The following CD101 variants were observed in gnomAD, a reference collection of about 807,000 sequenced individuals.
The protein encoded by CD101 is CD101 molecule, also known as immunoglobulin superfamily member 2.
In CD101, 76 loss-of-function variants were observed where a neutral mutation model predicts 98.2. That is an observed-to-expected ratio of 0.77 (90% CI 0.64 to 0.94). CD101 has a LOEUF of 0.94. Among genes scored for constraint, CD101 ranks in the 40% least tolerant of loss-of-function variants. The pLI is 0.00. For synonymous variants in CD101, 471 were observed against 472.7 expected (o/e 1.00, Z 0.05); for missense variants, 1,145 against 1,218.8 (o/e 0.94, Z 0.90).
rs1208975199 is a variant in CD101 at position 117,017,283 on chromosome 1, C to T, written c.1422C>T (p.Ser474=). The T allele has an allele frequency of 1.2e-6, 2 of 1,614,084 alleles. No homozygotes were observed. The highest frequency in any genetic ancestry group is 2.7e-5 in the African/African-American group (2 of 74,920). ...ATGGCATTGTGCAGCTGGGTGCCTC[C>T]TATGGGGTACCCAGTTACCATGGCA... ...GQDGIVQLGA[S]YGVPSYHGNT... Residue 474 remains serine, a synonymous_variant, in exon 5 of 10, where the codon TCC becomes TCT. Coordinates refer to ENST00000682167, the MANE Select transcript of CD101 (RefSeq NM_001256106.3).
At chr1:117,016,017 G>A (rs572090655) in intron 4 of CD101, among the ~76,000 whole-genome samples, 7 of 152,148 alleles carry the variant, frequency 4.6e-5, no homozygotes, top group South Asian at 4.1e-4. Flanking sequence ...GAATAAATGC[G>A]TTTGTTGAAT....
chr1:117,035,549 CTTTTT>C (rs11337228), intron 9 of CD101, among the ~76,000 whole-genome samples: 1 of 136,664 alleles, frequency 7.3e-6, no homozygotes. Context: ...GAAATGAAGA[CTTTTT>C]TTTTTTTTTT....
In CD101 at chr1:117,017,080, T is replaced by C. The variant is rs769285310; in HGVS notation, c.1229-10T>C. 5 of 1,610,072 alleles carry C rather than the reference T, an allele frequency of 3.1e-6. No homozygotes were observed. The East Asian group carries it at 1.1e-4, about 36-fold the overall frequency. ...AACAGTTTTGTTCTTCTATAATCTG[T>C]AACTCACAGCAAGAAGTGTGGTCAT... On this transcript the variant is annotated splice_polypyrimidine_tract_variant and intron_variant, in intron 4 of 9. Transcript: ENST00000682167.
rs1319121769 is a variant in CD101 at position 117,011,564 on chromosome 1, C to T, written c.439C>T (p.Leu147Phe). 2 of 1,612,940 alleles carry T rather than the reference C, an allele frequency of 1.2e-6. No individual in the cohort carries two copies. The highest frequency in any genetic ancestry group is 2.2e-5 in the South Asian group (2 of 90,946). ...KTNLIVIPDT[L>F]SATMSSQTLG... ...TTTGTTTCCAGTTATTCCAGATACCCTCTCTGCCACCATGAGTTCTCAGAC... is the reference window on the plus strand; with the variant it reads ...TTTGTTTCCAGTTATTCCAGATACCTTCTCTGCCACCATGAGTTCTCAGAC... Residue 147 changes from leucine (L) to phenylalanine (F), a missense_variant, in exon 3 of 10, where the codon CTC becomes TTC. Coordinates refer to ENST00000682167, the MANE Select transcript of CD101 (RefSeq NM_001256106.3).
chr1:117,033,899 T>A lies in CD101; in HGVS notation c.2864T>A (p.Leu955Ter), dbSNP rs761917248. 1 of 1,614,192 alleles carries A rather than the reference T, an allele frequency of 6.2e-7. No homozygotes were observed. The highest frequency in any genetic ancestry group is 8.5e-7 in the Non-Finnish European group (1 of 1,180,018). ...TCCAGGATCTGCTCCTCGGCCCCTT[T>A]ACTCTATTTCCTGTTCATCTGTCCC... ...LPSRICSSAPLLYFLFICPFV... is the reference protein window; with the variant it reads ...LPSRICSSAP Residue 955 changes from leucine (L) to a stop codon, truncating the protein, a stop_gained, in exon 9 of 10, where the codon TTA becomes TAA. Coordinates refer to ENST00000682167, the MANE Select transcript of CD101 (RefSeq NM_001256106.3). LOFTEE classifies it high-confidence loss of function. This position sits in a 1 kb window ranked among gnomAD's most constrained non-coding sequence, Gnocchi z 4.8.
rs199968696 is a variant in CD101 at position 117,033,905 on chromosome 1, A to G, written c.2870A>G (p.Tyr957Cys). Residue 957 changes from tyrosine to cysteine, a missense_variant, in exon 9 of 10, where the codon TAT becomes TGT. Transcript: ENST00000682167. The surrounding 1 kb of genome is among the most constrained non-coding windows in gnomAD (Gnocchi z 4.8). The stretch of plus-strand genomic sequence containing the variant: ...ATCTGCTCCTCGGCCCCTTTACTCT[A>G]TTTCCTGTTCATCTGTCCCTTCGTC... Reference protein sequence around the residue: ...SRICSSAPLLYFLFICPFVLL... With the variant: ...SRICSSAPLLCFLFICPFVLL... The G allele has an allele frequency of 6.2e-6, 10 of 1,613,610 alleles. No individual in the cohort carries two copies. The highest frequency in any genetic ancestry group is 7.6e-6 in the Non-Finnish European group (9 of 1,179,944).
intron 9 of CD101, among the ~76,000 whole-genome samples, chr1:117,034,610 T>G (rs1330541957): frequency 1.3e-5 from 2 of 152,198 alleles, no homozygotes; most frequent in African/African-American, 4.8e-5. Context: ...GTAACTTCCT[T>G]CGAGGCAGAA....
At chr1:117,035,236 C>T (rs1477377655) in intron 9 of CD101, among the ~76,000 whole-genome samples, 4 of 152,184 alleles carry the variant, frequency 2.6e-5, no homozygotes, top group Non-Finnish European at 5.9e-5. Flanking sequence ...TGAGAAAACA[C>T]ATCTATTTAT....
chr1:117,008,293 C>T (rs554122385), intron 1 of CD101, among the ~76,000 whole-genome samples: 59 of 152,030 alleles, frequency 3.9e-4, no homozygotes, highest in Non-Finnish European at 6.8e-4. Context: ...GGTGAAACCC[C>T]GTCTCTACTA....
At chr1:117,032,743 GT>G (rs1654541405) in intron 8 of CD101, among the ~76,000 whole-genome samples, 1 of 152,244 alleles carries the variant, frequency 6.6e-6, no homozygotes, top group South Asian at 2.1e-4. Context: ...CTTTAAGCAT[GT>G]GTCTTTCTGC....
intron 8 of CD101, among the ~76,000 whole-genome samples, chr1:117,027,865 C>T (rs977879294): frequency 6.6e-6 from 1 of 152,128 alleles, no homozygotes; most frequent in Non-Finnish European, 1.5e-5. Flanking sequence ...GGGCGGGTCA[C>T]CTGACGTTGG....
At chr1:117,009,242 G>T (rs895161190) in intron 1 of CD101, among the ~76,000 whole-genome samples, 4 of 152,182 alleles carry the variant, frequency 2.6e-5, no homozygotes, top group African/African-American at 9.7e-5. Flanking sequence ...AGCTATAGTG[G>T]CTCTTTAAGA....
rs1653400429 is a variant in CD101 at position 117,018,699 on chromosome 1, G to A, written c.2017+139G>A. The A allele has an allele frequency of 1.3e-6, 1 of 795,902 alleles. No individual in the cohort carries two copies. Among genetic ancestry groups the A allele is most frequent in the Non-Finnish European group, 1.9e-6 (1 of 518,194 alleles). 49.3% of individuals were successfully genotyped at this position (795,902 alleles called of 1,614,324 possible). ...TCTAAGTAAGCACCACATGATGAAT[G>A]ATACCCAGGTTAACATTGAGTTAGT... On this transcript the variant is annotated intron_variant, in intron 6 of 9. Coordinates refer to ENST00000682167, the MANE Select transcript of CD101 (RefSeq NM_001256106.3). The surrounding 1 kb of genome is among the most constrained non-coding windows in gnomAD (Gnocchi z 4.3).
Position 117,018,426 on chromosome 1 carries a change from A to T in CD101, c.1883A>T (p.His628Leu). ...TTATTTCGTTCACAACTCCTAGTCC[A>T]TGATGCCACTGAGGAAGAGACAGGA... ...QSLFRSQLLV[H>L]DATEEETGVY... Residue 628 changes from histidine to leucine, a missense_variant, in exon 6 of 10, where the codon CAT (histidine) becomes CTT (leucine). By Grantham distance (99) the His-to-Leu change is moderately conservative (BLOSUM62 -3). Transcript: ENST00000682167. The surrounding 1 kb of genome is among the most constrained non-coding windows in gnomAD (Gnocchi z 4.3). 1 of 1,614,216 alleles carries T rather than the reference A, an allele frequency of 6.2e-7. No homozygotes were observed.
At chr1:117,017,017 A>G in intron 4 of CD101, 73 bp from the exon 5 acceptor site, 1 of 1,502,040 alleles carries the variant, frequency 6.7e-7, no homozygotes, top group South Asian at 1.3e-5. Flanking sequence ...TAATTAATGA[A>G]ATTTCACTGT....
Position 117,025,549 on chromosome 1 carries a change from T to C in CD101, c.2469T>C (p.Asn823=). The C allele has an allele frequency of 2.5e-6, 4 of 1,602,684 alleles. No individual in the cohort carries two copies. Among genetic ancestry groups the C allele is most frequent in the African/African-American group, 1.3e-5 (1 of 74,672 alleles). ...VRVSKVYWTE[N]VTEHREVAIR... ...TCTCCAAAGTGTACTGGACCGAAAA[T>C]GTGACTGAGCACAGAGAAGTGGCCA... Residue 823 remains asparagine, a synonymous_variant, in exon 8 of 10, where the codon AAT becomes AAC. Coordinates refer to ENST00000682167, the MANE Select transcript of CD101 (RefSeq NM_001256106.3).
In CD101 at chr1:117,006,560, A is replaced by G. The variant is rs1652545875; in HGVS notation, c.44-3290A>G. On this transcript the variant is annotated intron_variant, in intron 1 of 9. Transcript: ENST00000682167. This position sits in a 1 kb window ranked among gnomAD's most constrained non-coding sequence, Gnocchi z 4.4. ...TCCAGTTGATTACTCTTTAATTTTG[A>G]GTAAGTCTTTTGATTCCTACTCAGA... Among the ~76,000 whole-genome samples, 1 of 152,178 alleles carries G rather than the reference A, an allele frequency of 6.6e-6. No individual in the cohort carries two copies. Among genetic ancestry groups the G allele is most frequent in the Admixed American group, 6.5e-5 (1 of 15,284 alleles).
In CD101 at chr1:117,020,790, T is replaced by A. The variant is rs1459834017; in HGVS notation, c.2018-783T>A. Among the ~76,000 whole-genome samples, 3 of 152,166 alleles carry A rather than the reference T, an allele frequency of 2.0e-5. No individual in the cohort carries two copies. In the East Asian group the frequency reaches 5.8e-4, roughly 29 times the overall value. ...GGGCCTGGAATTGTCTGGCACATAA[T>A]ATAGTGTGTGCTTCATAAATATTTG... On this transcript the variant is annotated intron_variant, in intron 6 of 9. Transcript: ENST00000682167.
Position 117,017,098 on chromosome 1 carries a change from G to C in CD101, c.1237G>C (p.Val413Leu), listed in dbSNP as rs762210879. The C allele has an allele frequency of 8.1e-6, 13 of 1,613,268 alleles. No homozygotes were observed. In the East Asian group the frequency reaches 2.9e-4, roughly 36 times the overall value. ...TAATCTGTAACTCACAGCAAGAAGTGTGGTCATGTCTACCAAGAACAAGCA... is the reference window on the plus strand; with the variant it reads ...TAATCTGTAACTCACAGCAAGAAGTCTGGTCATGTCTACCAAGAACAAGCA... ...VHLRKPAARS[V>L]VMSTKNKQQV... The change falls in exon 5 of 10, where the codon GTG becomes CTG. Residue 413 changes from valine to leucine, a missense_variant. Coordinates refer to ENST00000682167, the MANE Select transcript of CD101 (RefSeq NM_001256106.3).
Sources: gnomAD v4.1 joint callset for allele counts (sites outside exome capture counted in the v4.1 genomes callset) on GRCh38, gnomAD v4.1.1 for gene constraint, Gnocchi (gnomAD v3.1) non-coding constraint, MANE v1.5 for transcripts, NCBI Gene and HGNC (gene_info 2026-07-23, HGNC 2026-07-21) for gene names.